CLNK: variants seen among roughly 807,000 people sequenced by gnomAD.
The protein encoded by CLNK is cytokine-dependent hematopoietic cell linker.
CLNK carries 74 observed loss-of-function variants against 68.6 expected under a neutral mutation model. The ratio of observed to expected loss-of-function variants is 1.08; its 90% confidence interval spans 0.89 to 1.31. The LOEUF (loss-of-function observed/expected upper bound fraction) is 1.31, where lower values mean the gene tolerates loss of function less well. Ranked by LOEUF, CLNK falls within the 50% of genes most tolerant of loss-of-function variation. CLNK has a pLI of 0.00. For synonymous variants in CLNK, 198 were observed against 172.2 expected, an observed-to-expected ratio of 1.15 and a Z score of -1.17; for missense variants, 553 against 515.3, an observed-to-expected ratio of 1.07 and a Z score of -0.71.
chr4:10,624,927 T>C (rs1413575433), intron 2 of CLNK, among the ~76,000 whole-genome samples: 4 of 152,152 alleles, frequency 2.6e-5, no homozygotes, highest in African/African-American at 9.7e-5. Flanking sequence ...CAGGTTGAAC[T>C]TAACGTTTTC....
intron 11 of CLNK, 129 bp from the exon 12 acceptor site, chr4:10,532,412 T>A: frequency 1.4e-6 from 1 of 696,712 alleles, no homozygotes; most frequent in Non-Finnish European, 2.5e-6. Context: ...TCCAGTGAGA[T>A]ATTTATCACT....
At chr4:10,499,775 AC>A (rs1716965483) in intron 18 of CLNK, among the ~76,000 whole-genome samples, 2 of 151,524 alleles carry the variant, frequency 1.3e-5, no homozygotes, top group Admixed American at 6.6e-5. Context: ...TTCTCCCACG[AC>A]CCCTCTCCTT....
chr4:10,556,819 G>A (rs1326290308), intron 8 of CLNK, among the ~76,000 whole-genome samples: 4 of 152,106 alleles, frequency 2.6e-5, no homozygotes, highest in Non-Finnish European at 4.4e-5. Context: ...GCTCACAGCT[G>A]TTAATCTCAG....
intron 2 of CLNK, among the ~76,000 whole-genome samples, chr4:10,603,779 G>A (rs1337231435): frequency 1.3e-5 from 2 of 152,248 alleles, no homozygotes; most frequent in Admixed American, 1.3e-4. Context: ...TGCTCCAGGT[G>A]AGGCAATCCT....
At chr4:10,669,750 C>A (rs1430262011) in intron 1 of CLNK, among the ~76,000 whole-genome samples, 1 of 152,126 alleles carries the variant, frequency 6.6e-6, no homozygotes, top group Non-Finnish European at 1.5e-5. Context: ...CTGCCCTCAC[C>A]CACCAGCCTC....
chr4:10,527,980 C>T, intron 13 of CLNK, 96 bp downstream of exon 13: 1 of 636,714 alleles, frequency 1.6e-6, no homozygotes, highest in Non-Finnish European at 2.3e-6. Context: ...GGCTTCCAAA[C>T]AATCAATCCT....
At chr4:10,618,881 G>A (rs541761126) in intron 2 of CLNK, among the ~76,000 whole-genome samples, 3 of 152,294 alleles carry the variant, frequency 2.0e-5, no homozygotes, top group South Asian at 4.1e-4. Context: ...ATCCAATCAC[G>A]TCCCACCAGG....
intron 18 of CLNK, 104 bp from the exon 19 acceptor site, chr4:10,490,717 A>G (rs1468852625): frequency 6.9e-6 from 6 of 871,896 alleles, no homozygotes; most frequent in Non-Finnish European, 1.0e-5. Context: ...GAGGTGAACC[A>G]ATTTAACAAT....
At chr4:10,723,919 A>AG in the CLNK span, among the ~76,000 whole-genome samples, 5 of 148,114 alleles carry the variant, frequency 3.4e-5, no homozygotes, top group Admixed American at 6.7e-5. Context: ...AGAGAGAGAG[A>AG]AGGCAGGGCA....
the CLNK span, among the ~76,000 whole-genome samples, chr4:10,702,954 G>T: frequency 6.6e-6 from 1 of 152,194 alleles, no homozygotes; most frequent in African/African-American, 2.4e-5. Flanking sequence ...AAGGATGACT[G>T]TGAGAAGGAC....
At chr4:10,553,713 C>G (rs1176377732) in intron 8 of CLNK, among the ~76,000 whole-genome samples, 2 of 152,188 alleles carry the variant, frequency 1.3e-5, no homozygotes, top group African/African-American at 4.8e-5. Context: ...CTCGACCTCC[C>G]GAAATGCTGG....
At chr4:10,646,560 G>A (rs6842006) in intron 2 of CLNK, among the ~76,000 whole-genome samples, 49,780 of 152,002 alleles carry the variant, frequency 0.33, 8,445 homozygotes, top group African/African-American at 0.41. Context: ...CAGTGAAACT[G>A]GCCTGTGAAA....
intron 2 of CLNK, among the ~76,000 whole-genome samples, chr4:10,610,993 G>A (rs925044441): frequency 1.4e-5 from 2 of 146,746 alleles, no homozygotes; most frequent in Admixed American, 1.4e-4. Flanking sequence ...AGACCAGCCG[G>A]GGCAACATGG....
chr4:10,643,053 G>T (rs1723371665), intron 2 of CLNK, among the ~76,000 whole-genome samples: 1 of 152,140 alleles, frequency 6.6e-6, no homozygotes, highest in African/African-American at 2.4e-5. Flanking sequence ...ACTTAAAACC[G>T]TGCGGTTCAG....
intron 5 of CLNK, among the ~76,000 whole-genome samples, chr4:10,567,831 A>T (rs966136865): frequency 2.6e-5 from 4 of 152,372 alleles, no homozygotes; most frequent in Admixed American, 2.6e-4. Context: ...GATGCTCAAT[A>T]TCATTAGCCA....
At chr4:10,600,198 C>T (rs1193287490) in intron 2 of CLNK, among the ~76,000 whole-genome samples, 1 of 152,042 alleles carries the variant, frequency 6.6e-6, no homozygotes, top group Non-Finnish European at 1.5e-5. Flanking sequence ...CTTTTTGCCT[C>T]CTCTGGGCCT....
chr4:10,576,897 C>A (rs1263373028), intron 4 of CLNK, among the ~76,000 whole-genome samples: 1 of 152,210 alleles, frequency 6.6e-6, no homozygotes, highest in African/African-American at 2.4e-5. Flanking sequence ...GGAAACACTT[C>A]TGGGAGCTCA....
chr4:10,634,292 C>G (rs1341804205), intron 2 of CLNK, among the ~76,000 whole-genome samples: 1 of 152,112 alleles, frequency 6.6e-6, no homozygotes, highest in Non-Finnish European at 1.5e-5. Context: ...AAAGGAGACA[C>G]CTGGGTGGTC....
chr4:10,712,797 T>C, the CLNK span, among the ~76,000 whole-genome samples: 18 of 152,234 alleles, frequency 1.2e-4, no homozygotes. Context: ...AGGACTGGTC[T>C]TTAAGATATT....
Sources: gnomAD v4.1 joint callset for allele counts (sites outside exome capture counted in the v4.1 genomes callset) on GRCh38, gnomAD v4.1.1 for gene constraint, MANE v1.5 for transcripts, NCBI Gene and HGNC (gene_info 2026-07-23, HGNC 2026-07-21) for gene names.